Variants in GRPEL1 observed in about 807,000 individuals in gnomAD.
The protein encoded by GRPEL1 is GrpE like 1, mitochondrial, also known as grpE protein homolog 1, mitochondrial.
GRPEL1 carries 13 observed loss-of-function variants against 22.1 expected under a neutral mutation model. That is an observed-to-expected ratio of 0.59 (90% CI 0.38 to 0.94). GRPEL1 has a LOEUF of 0.94. Ranked by LOEUF, GRPEL1 falls within the 40% of genes least tolerant of loss-of-function variation. The pLI is 0.00. For missense variants in GRPEL1, 289 were observed against 264.6 expected (o/e 1.09, Z -0.64); for synonymous variants, 109 against 105.3 (o/e 1.03, Z -0.21).
Position 7,064,224 on chromosome 4 carries a change from C to G in GRPEL1, c.63-1G>C. ...TGTGCACAACAACCGGGGAGATGGCCTACAGGGAAGTCCACACGTGAGAAA... is the reference window on the plus strand; with the variant it reads ...TGTGCACAACAACCGGGGAGATGGCGTACAGGGAAGTCCACACGTGAGAAA... On this transcript the variant is annotated splice_acceptor_variant, in intron 1 of 3. Coordinates refer to ENST00000264954, the MANE Select transcript of GRPEL1 (RefSeq NM_025196.4). LOFTEE classifies it high-confidence loss of function. The G allele has an allele frequency of 6.2e-7, 1 of 1,610,732 alleles. No homozygotes were observed. The highest frequency in any genetic ancestry group is 8.5e-7 in the Non-Finnish European group (1 of 1,178,126).
At chr4:7,062,490 TTATATATATATA>T in intron 2 of GRPEL1, 24 bp from the exon 3 acceptor site, 6 of 614,456 alleles carry the variant, frequency 9.8e-6, no homozygotes, top group East Asian at 5.7e-5. Context: ...AAAGGGATAT[TTATATATATATA>T]TATATATATA....
At chr4:7,065,286 A>G (rs902605514) in intron 1 of GRPEL1, among the ~76,000 whole-genome samples, 1 of 152,244 alleles carries the variant, frequency 6.6e-6, no homozygotes, top group African/African-American at 2.4e-5. Flanking sequence ...AGGCCAAAGC[A>G]GGTGGATCAC....
At chr4:7,067,261 A>AG (rs890456017) in intron 1 of GRPEL1, among the ~76,000 whole-genome samples, 3 of 16,282 alleles carry the variant, frequency 1.8e-4, no homozygotes, top group Non-Finnish European at 9.1e-4. Flanking sequence ...ATTTGAGGGG[A>AG]AAAAAAAAAA....
intron 1 of GRPEL1, 34 bp from the exon 2 acceptor site, chr4:7,064,257 T>G: frequency 6.3e-7 from 1 of 1,582,352 alleles, no homozygotes; most frequent in Non-Finnish European, 8.6e-7. Context: ...AAACGAAGAC[T>G]TAGTTTTTGT....
At chr4:7,064,544 T>A (rs748006791) in intron 1 of GRPEL1, among the ~76,000 whole-genome samples, 7 of 152,162 alleles carry the variant, frequency 4.6e-5, no homozygotes, top group Non-Finnish European at 1.0e-4. Flanking sequence ...TATTTCTTTT[T>A]TTTTGAGAGA....
At position 7,059,082 on chromosome 4, in the gene GRPEL1, A is replaced by C. The variant is rs1723967981; in HGVS notation, c.*1780T>G. The stretch of plus-strand genomic sequence containing the variant: ...CTGTTTTTTAGGTCCATGTAGGTAC[A>C]CATGGTGTTCACAGGAAAAACTGCC... On this transcript the variant is annotated 3_prime_UTR_variant, in exon 4 of 4. Transcript: ENST00000264954. 1 of 152,234 alleles carries C rather than the reference A, an allele frequency of 6.6e-6. No individual in the cohort carries two copies. Among genetic ancestry groups the C allele is most frequent in the South Asian group, 2.1e-4 (1 of 4,834 alleles). 9.4% of individuals were successfully genotyped at this position (152,234 alleles called of 1,614,324 possible).
intron 2 of GRPEL1, 48 bp from the exon 3 acceptor site, chr4:7,062,514 A>ATATATAT (rs1166866338): frequency 3.7e-6 from 1 of 270,404 alleles, no homozygotes; most frequent in Non-Finnish European, 5.4e-6. Flanking sequence ...ATATATATAT[A>ATATATAT]TCTTTTTTTT....
intron 2 of GRPEL1, among the ~76,000 whole-genome samples, chr4:7,063,024 G>A (rs1167475288): frequency 1.3e-5 from 2 of 151,764 alleles, no homozygotes; most frequent in Non-Finnish European, 2.9e-5. Context: ...AACATTCCTT[G>A]TGTAATCATC....
In GRPEL1 at chr4:7,060,841, C is replaced by T. The variant is rs1440413913; in HGVS notation, c.*21G>A. The stretch of plus-strand genomic sequence containing the variant: ...GAGTTACATCAAGTGAGTTTAAAAA[C>T]ACCCACCCCATCAACAGCAGCTAAG... On this transcript the variant is annotated 3_prime_UTR_variant, in exon 4 of 4. Transcript: ENST00000264954. The T allele has an allele frequency of 1.3e-6, 2 of 1,582,866 alleles. No individual in the cohort carries two copies. Among genetic ancestry groups the T allele is most frequent in the African/African-American group, 2.7e-5 (2 of 74,288 alleles).
rs528862979 is a variant in GRPEL1, at chr4:7,060,504, C to T, written c.*358G>A. 8.3e-6 allele frequency: 2 copies of T among 239,848 alleles called. No homozygotes were observed. Among genetic ancestry groups the T allele is most frequent in the South Asian group, 8.2e-5 (1 of 12,204 alleles). The allele number at this position is 239,848 out of a possible 1,614,324, so 14.9% of individuals were successfully genotyped here. On this transcript the variant is annotated 3_prime_UTR_variant, in exon 4 of 4. Coordinates refer to ENST00000264954, the MANE Select transcript of GRPEL1 (RefSeq NM_025196.4). ...CGCAGGGACACATGGTGCAGACTGG[C>T]GTGCCCAGGTAGCCAAACAGAATTC...
rs1723973813 is a variant in GRPEL1 at position 7,059,218 on chromosome 4, T to G, written c.*1644A>C. 1 of 152,226 alleles carries G rather than the reference T, an allele frequency of 6.6e-6. No individual in the cohort carries two copies. Among genetic ancestry groups the G allele is most frequent in the Non-Finnish European group, 1.5e-5 (1 of 68,036 alleles). 9.4% of individuals were successfully genotyped at this position (152,226 alleles called of 1,614,324 possible). A position where few individuals can be genotyped will look rare whatever the true frequency, so the allele number is the denominator to read the frequency against. On this transcript the variant is annotated 3_prime_UTR_variant, in exon 4 of 4. Transcript: ENST00000264954. ...CAATTCTGGTTCTAAGCATTTCAGA[T>G]GATAACCAACTTATAGTGACTATGG...
chr4:7,062,827 A>G (rs1038428048), intron 2 of GRPEL1, among the ~76,000 whole-genome samples: 2 of 152,122 alleles, frequency 1.3e-5, no homozygotes, highest in Non-Finnish European at 2.9e-5. Context: ...ATTTATATTA[A>G]TATGGAACAA....
intron 1 of GRPEL1, 102 bp downstream of exon 1, chr4:7,067,869 C>T: frequency 1.6e-6 from 2 of 1,269,458 alleles, no homozygotes; most frequent in Non-Finnish European, 1.1e-6. Flanking sequence ...TGCCCAGCTC[C>T]GGGGCCGAGG....
chr4:7,064,502 TATCTATCTATAC>T (rs1265503526), intron 1 of GRPEL1, among the ~76,000 whole-genome samples: 1 of 152,142 alleles, frequency 6.6e-6, no homozygotes, highest in African/African-American at 2.4e-5. Flanking sequence ...TCTATATATC[TATCTATCTATAC>T]ATCTATCTAT....
chr4:7,059,066 A>T lies in GRPEL1; in HGVS notation c.*1796T>A, dbSNP rs558090939. ...GAGGAGGCTCCACCACCTGTTTTTT[A>T]GGTCCATGTAGGTACACATGGTGTT... On this transcript the variant is annotated 3_prime_UTR_variant, in exon 4 of 4. Transcript: ENST00000264954. The T allele has an allele frequency of 1.2e-4, 18 of 152,318 alleles. No individual in the cohort carries two copies. The highest frequency in any genetic ancestry group is 2.4e-4 in the Non-Finnish European group (16 of 68,026). 9.4% of individuals were successfully genotyped at this position (152,318 alleles called of 1,614,324 possible).
chr4:7,059,226 A>G lies in GRPEL1; in HGVS notation c.*1636T>C, dbSNP rs1723973944. ...GTTCTAAGCATTTCAGATGATAACC[A>G]ACTTATAGTGACTATGGATGACTGA... is the stretch of plus-strand genomic sequence containing the variant. On this transcript the variant is annotated 3_prime_UTR_variant, in exon 4 of 4. Transcript: ENST00000264954. 6.6e-6 allele frequency: 1 copy of G among 152,236 alleles called. No homozygotes were observed. Among genetic ancestry groups the G allele is most frequent in the African/African-American group, 2.4e-5 (1 of 41,466 alleles). The allele number at this position is 152,236 out of a possible 1,614,324, so 9.4% of individuals were successfully genotyped here.
chr4:7,064,523 A>G (rs970742723), intron 1 of GRPEL1, among the ~76,000 whole-genome samples: 22 of 151,304 alleles, frequency 1.5e-4, no homozygotes, highest in African/African-American at 4.8e-4. Context: ...ACATCTATCT[A>G]TATCTATATG....
chr4:7,062,343 T>C, intron 3 of GRPEL1, 42 bp downstream of exon 3: 2 of 1,034,216 alleles, frequency 1.9e-6, no homozygotes, highest in Non-Finnish European at 2.9e-6. Flanking sequence ...CCCACCCCAT[T>C]ATCTTCTTTC....
chr4:7,067,823 T>C (rs1724212266), intron 1 of GRPEL1, 148 bp downstream of exon 1: 1 of 798,856 alleles, frequency 1.3e-6, no homozygotes. Flanking sequence ...AGCGGGGCGG[T>C]CCGCGTCCCG....
Sources: gnomAD v4.1 joint callset for allele counts (sites outside exome capture counted in the v4.1 genomes callset) on GRCh38, gnomAD v4.1.1 for gene constraint, MANE v1.5 for transcripts, NCBI Gene and HGNC (gene_info 2026-07-23, HGNC 2026-07-21) for gene names.